Variants in KCND2 observed in about 807,000 individuals in gnomAD.
KCND2 encodes the protein potassium voltage-gated channel subfamily D member 2.
In KCND2, 16 loss-of-function variants were observed where a neutral mutation model predicts 54.4. The ratio of observed to expected loss-of-function variants is 0.29; its 90% CI spans 0.20 to 0.45. KCND2 has a LOEUF of 0.45. Ranked by LOEUF, KCND2 falls within the 20% of genes least tolerant of loss-of-function variation. KCND2 has a pLI of 1.00. For missense variants in KCND2, 486 were observed against 824.2 expected, an observed-to-expected ratio of 0.59 and a Z score of 5.02; for synonymous variants, 317 against 310.7, an observed-to-expected ratio of 1.02 and a Z score of -0.21.
intron 1 of KCND2, among the ~76,000 whole-genome samples, chr7:120,541,119 T>C (rs1282291073): frequency 6.6e-6 from 1 of 152,098 alleles, no homozygotes; most frequent in Non-Finnish European, 1.5e-5. Context: ...AGTAGAAAAA[T>C]ACACAGTCAT....
chr7:120,305,255 C>G (rs1799636429), intron 1 of KCND2, among the ~76,000 whole-genome samples: 1 of 152,082 alleles, frequency 6.6e-6, no homozygotes, highest in East Asian at 1.9e-4. Flanking sequence ...TCAAACTGTT[C>G]TGTTGAAAAT....
chr7:120,632,329 C>A (rs536470255), intron 1 of KCND2, among the ~76,000 whole-genome samples: 53 of 152,250 alleles, frequency 3.5e-4, no homozygotes, highest in African/African-American at 1.3e-3. Context: ...TTCTGTCTTG[C>A]ACTTGTAAAC....
intron 1 of KCND2, among the ~76,000 whole-genome samples, chr7:120,588,543 G>C (rs1792629848): frequency 6.6e-6 from 1 of 151,982 alleles, no homozygotes. Context: ...AAAGCTGCTT[G>C]TAGAAAGATA....
chr7:120,308,831 G>A (rs1375414973), intron 1 of KCND2, among the ~76,000 whole-genome samples: 1 of 152,084 alleles, frequency 6.6e-6, no homozygotes, highest in South Asian at 2.1e-4. Flanking sequence ...CCTGAATAAA[G>A]CAAATAAAGG....
At chr7:120,539,634 A>G (rs1448254465) in intron 1 of KCND2, among the ~76,000 whole-genome samples, 1 of 152,238 alleles carries the variant, frequency 6.6e-6, no homozygotes, top group African/African-American at 2.4e-5. Context: ...AGTATTTTAA[A>G]AAAGAAATTT....
intron 1 of KCND2, among the ~76,000 whole-genome samples, chr7:120,591,703 A>C (rs566625146): frequency 6.6e-6 from 1 of 152,296 alleles, no homozygotes; most frequent in South Asian, 2.1e-4. Flanking sequence ...ACTACCTATT[A>C]GTTATATAAT....
At chr7:120,337,599 CAT>C (rs1261761756) in intron 1 of KCND2, among the ~76,000 whole-genome samples, 1 of 152,102 alleles carries the variant, frequency 6.6e-6, no homozygotes, top group Non-Finnish European at 1.5e-5. Flanking sequence ...ATTCTAAAGT[CAT>C]ATATCTGTAA....
chr7:120,666,850 T>C (rs1791933297), intron 1 of KCND2, among the ~76,000 whole-genome samples: 1 of 152,006 alleles, frequency 6.6e-6, no homozygotes, highest in Non-Finnish European at 1.5e-5. Context: ...AAATAAAAAA[T>C]AAAATACAAA....
intron 1 of KCND2, among the ~76,000 whole-genome samples, chr7:120,693,910 G>A (rs1008860167): frequency 3.3e-5 from 5 of 152,176 alleles, no homozygotes; most frequent in East Asian, 1.9e-4. Context: ...AGAAGGATGC[G>A]TGCGGTGGTT....
intron 1 of KCND2, among the ~76,000 whole-genome samples, chr7:120,713,134 A>C (rs112924388): frequency 2.0e-5 from 3 of 152,132 alleles, no homozygotes; most frequent in Admixed American, 2.0e-4. Context: ...TTTTCCATAT[A>C]AGGTTCTTAG....
At chr7:120,316,197 C>T (rs546329805) in intron 1 of KCND2, among the ~76,000 whole-genome samples, 1 of 152,276 alleles carries the variant, frequency 6.6e-6, no homozygotes, top group Non-Finnish European at 1.5e-5. Flanking sequence ...CTTAACATTT[C>T]TGTCAAGAGT....
intron 1 of KCND2, among the ~76,000 whole-genome samples, chr7:120,343,552 T>C (rs771762482): frequency 1.1e-4 from 16 of 152,180 alleles, no homozygotes; most frequent in Non-Finnish European, 1.8e-4. Context: ...AAATAGGCTT[T>C]TATTAGTGAA....
At chr7:120,579,257 T>C (rs892136055) in intron 1 of KCND2, among the ~76,000 whole-genome samples, 2 of 152,118 alleles carry the variant, frequency 1.3e-5, no homozygotes, top group African/African-American at 4.8e-5. Context: ...TTTTTGACTA[T>C]ACTATTATTA....
chr7:120,658,103 G>A (rs1791824469), intron 1 of KCND2, among the ~76,000 whole-genome samples: 2 of 152,076 alleles, frequency 1.3e-5, no homozygotes, highest in Admixed American at 1.3e-4. Flanking sequence ...ACCAGAATTT[G>A]ATTAATACAT....
chr7:120,392,881 A>T (rs1801098833), intron 1 of KCND2, among the ~76,000 whole-genome samples: 1 of 151,964 alleles, frequency 6.6e-6, no homozygotes, highest in Non-Finnish European at 1.5e-5. Flanking sequence ...TTATCCCTAA[A>T]CTATCCACCA....
chr7:120,367,074 A>C (rs1800696292), intron 1 of KCND2, among the ~76,000 whole-genome samples: 1 of 152,126 alleles, frequency 6.6e-6, no homozygotes, highest in Non-Finnish European at 1.5e-5. Context: ...CATGCATATT[A>C]TGTGCCAAGC....
At chr7:120,431,098 T>C (rs1368143337) in intron 1 of KCND2, among the ~76,000 whole-genome samples, 1 of 152,212 alleles carries the variant, frequency 6.6e-6, no homozygotes, top group Non-Finnish European at 1.5e-5. Flanking sequence ...GGATTTTGAC[T>C]ATCTGTGTTT....
chr7:120,621,328 T>TG (rs1243092403), intron 1 of KCND2, among the ~76,000 whole-genome samples: 3 of 146,048 alleles, frequency 2.1e-5, no homozygotes, highest in Non-Finnish European at 4.5e-5. Context: ...TCCTGTCACC[T>TG]GGGTTCTCTC....
intron 1 of KCND2, among the ~76,000 whole-genome samples, chr7:120,329,549 T>C (rs1800031994): frequency 1.3e-5 from 2 of 152,168 alleles, no homozygotes; most frequent in African/African-American, 4.8e-5. Flanking sequence ...AAAAAAACTG[T>C]TGCTTTTCCT....
Sources: allele counts gnomAD v4.1 joint callset (sites outside exome capture counted in the v4.1 genomes callset), GRCh38; gene constraint gnomAD v4.1.1; transcripts MANE v1.5; gene names NCBI Gene and HGNC (gene_info 2026-07-23, HGNC 2026-07-21).